SAMD5: variants seen among roughly 807,000 people sequenced by gnomAD.
SAMD5 encodes the protein sterile alpha motif domain containing 5, also known as sterile alpha motif domain-containing protein 5.
Under a neutral mutation model 11.3 loss-of-function variants are expected in SAMD5, and 13 were observed. The ratio of observed to expected loss-of-function variants is 1.15; its 90% CI spans 0.75 to 1.83. SAMD5 has a LOEUF of 1.83. SAMD5 is among the 40% of genes most tolerant of loss of function. The pLI is 0.00. For missense variants in SAMD5, 255 were observed against 239.1 expected (o/e 1.07, Z -0.44); for synonymous variants, 129 against 111.3 (o/e 1.16, Z -1.00).
At chr6:147,747,423 T>A in the SAMD5 span, among the ~76,000 whole-genome samples, 1 of 152,230 alleles carries the variant, frequency 6.6e-6, no homozygotes, top group Non-Finnish European at 1.5e-5. Flanking sequence ...GGGCAAACAC[T>A]GTTTTGACTT....
At chr6:147,694,645 A>G (rs1234191025) in intron 1 of SAMD5, among the ~76,000 whole-genome samples, 1 of 152,080 alleles carries the variant, frequency 6.6e-6, no homozygotes, top group Admixed American at 6.6e-5. Context: ...AGGGAGACCT[A>G]GTCTCTACAA....
At chr6:147,716,905 G>A (rs996168414) in intron 1 of SAMD5, among the ~76,000 whole-genome samples, 6 of 152,324 alleles carry the variant, frequency 3.9e-5, no homozygotes, top group African/African-American at 7.2e-5. Flanking sequence ...CTGTGACTAC[G>A]ATGTCTCTTC....
the SAMD5 span, among the ~76,000 whole-genome samples, chr6:147,892,526 C>T: frequency 2.6e-4 from 40 of 152,284 alleles, no homozygotes; most frequent in African/African-American, 8.4e-4. Context: ...GGGATCTGTA[C>T]ATCTAAGTGT....
At chr6:147,570,750 TA>T (rs1789124583), downstream of SAMD5, among the ~76,000 whole-genome samples, 2 of 152,236 alleles carry the variant, frequency 1.3e-5, no homozygotes, top group South Asian at 4.2e-4. Context: ...TGGTAAATAT[TA>T]GGAGAAATAT....
At chr6:147,641,689 G>C (rs1321635349) in intron 1 of SAMD5, among the ~76,000 whole-genome samples, 1 of 151,264 alleles carries the variant, frequency 6.6e-6, no homozygotes, top group Non-Finnish European at 1.5e-5. Context: ...AGCTTTTTAA[G>C]AGTTATGTAC....
the SAMD5 span, among the ~76,000 whole-genome samples, chr6:147,851,518 C>T: frequency 7.2e-5 from 11 of 152,112 alleles, no homozygotes; most frequent in Non-Finnish European, 1.5e-4. Flanking sequence ...AGCAAAACTT[C>T]AAGGTGAAGG....
At chr6:147,580,942 G>A (rs1010448879) in intron 1 of SAMD5, among the ~76,000 whole-genome samples, 1 of 152,108 alleles carries the variant, frequency 6.6e-6, no homozygotes, top group Non-Finnish European at 1.5e-5. Flanking sequence ...TGGGGGTAAA[G>A]CTCTGAGGTG....
chr6:147,648,256 G>A (rs60743490), intron 1 of SAMD5, among the ~76,000 whole-genome samples: 17,778 of 152,130 alleles, frequency 0.12, 1,137 homozygotes, highest in Non-Finnish European at 0.15. Context: ...AGGAAGTGAG[G>A]CATCTTCTTC....
the SAMD5 span, among the ~76,000 whole-genome samples, chr6:147,791,464 G>A: frequency 6.6e-6 from 1 of 152,068 alleles, no homozygotes; most frequent in African/African-American, 2.4e-5. Flanking sequence ...ACTGACCATA[G>A]TGATATACGT....
At chr6:147,590,517 A>G (rs1789437332) in intron 1 of SAMD5, among the ~76,000 whole-genome samples, 1 of 152,108 alleles carries the variant, frequency 6.6e-6, no homozygotes, top group Non-Finnish European at 1.5e-5. Context: ...GGCTCAAGCA[A>G]TCCTCCCACC....
the SAMD5 span, among the ~76,000 whole-genome samples, chr6:147,844,129 C>T: frequency 5.3e-5 from 8 of 152,070 alleles, no homozygotes; most frequent in Non-Finnish European, 1.0e-4. Context: ...ACATAAGGAA[C>T]TCAAACTACT....
intron 1 of SAMD5, among the ~76,000 whole-genome samples, chr6:147,673,242 C>A (rs918535269): frequency 2.7e-5 from 4 of 150,056 alleles, no homozygotes; most frequent in African/African-American, 9.8e-5. Flanking sequence ...GATACAGAGT[C>A]TTGCTCTGTT....
intron 1 of SAMD5, among the ~76,000 whole-genome samples, chr6:147,731,768 A>T (rs1352373634): frequency 6.7e-6 from 1 of 148,648 alleles, no homozygotes; most frequent in Non-Finnish European, 1.5e-5. Flanking sequence ...TTTAGCTCCA[A>T]TAGTAAAGCA....
At chr6:147,722,597 A>C (rs1791571562) in intron 1 of SAMD5, among the ~76,000 whole-genome samples, 1 of 152,172 alleles carries the variant, frequency 6.6e-6, no homozygotes, top group African/African-American at 2.4e-5. Context: ...ATACACTTTG[A>C]AATATTCCTA....
the SAMD5 span, among the ~76,000 whole-genome samples, chr6:147,948,863 C>T: frequency 8.1e-3 from 1,230 of 152,240 alleles, 13 homozygotes; most frequent in African/African-American, 0.028. Context: ...GCTCTTGAAA[C>T]GTTCAAAAGA....
the SAMD5 span, among the ~76,000 whole-genome samples, chr6:147,747,923 A>G: frequency 5.9e-5 from 9 of 152,194 alleles, no homozygotes; most frequent in Non-Finnish European, 1.2e-4. Flanking sequence ...GACAAAAACC[A>G]AAGGAATCAT....
intron 1 of SAMD5, among the ~76,000 whole-genome samples, chr6:147,658,754 G>A (rs1395315657): frequency 6.6e-6 from 1 of 152,020 alleles, no homozygotes; most frequent in African/African-American, 2.4e-5. Flanking sequence ...AACATGAATG[G>A]GGATTATGTT....
chr6:147,715,548 CTG>C (rs1791454239), intron 1 of SAMD5, among the ~76,000 whole-genome samples: 4 of 152,214 alleles, frequency 2.6e-5, no homozygotes, highest in Non-Finnish European at 5.9e-5. Flanking sequence ...CCCCAAAGGG[CTG>C]CAGCTCTTCT....
the SAMD5 span, among the ~76,000 whole-genome samples, chr6:147,881,742 C>T: frequency 2.6e-5 from 4 of 152,190 alleles, no homozygotes; most frequent in Admixed American, 6.5e-5. Context: ...CGGCTCCTTG[C>T]GAATTCCTCA....
Sources: gnomAD v4.1 joint callset for allele counts (sites outside exome capture counted in the v4.1 genomes callset) on GRCh38, gnomAD v4.1.1 for gene constraint, MANE v1.5 for transcripts, NCBI Gene and HGNC (gene_info 2026-07-23, HGNC 2026-07-21) for gene names.